CPNE4: variants seen among roughly 807,000 people sequenced by gnomAD.
The protein encoded by CPNE4 is copine-4.
Under a neutral mutation model 67.9 loss-of-function variants are expected in CPNE4, and 25 were observed. The ratio of observed to expected loss-of-function variants is 0.37; its 90% CI spans 0.27 to 0.51. The LOEUF is 0.51. Among genes scored for constraint, CPNE4 ranks in the 20% least tolerant of loss-of-function variants. CPNE4 has a pLI of 0.93. For synonymous variants in CPNE4, 242 were observed against 244.9 expected, an observed-to-expected ratio of 0.99 and a Z score of 0.11; for missense variants, 464 against 690.8, an observed-to-expected ratio of 0.67 and a Z score of 3.68.
intron 2 of CPNE4, among the ~76,000 whole-genome samples, chr3:131,843,888 C>G (rs943639418): frequency 6.6e-6 from 1 of 152,114 alleles, no homozygotes; most frequent in African/African-American, 2.4e-5. Flanking sequence ...GGATGTATTG[C>G]CATGAAACCT....
intron 1 of CPNE4, among the ~76,000 whole-genome samples, chr3:131,940,061 A>C (rs1412936016): frequency 6.6e-6 from 1 of 152,098 alleles, no homozygotes; most frequent in Non-Finnish European, 1.5e-5. Context: ...ATTTTTGTGT[A>C]TGTGCTCTAA....
chr3:131,894,534 G>A (rs920044206), intron 2 of CPNE4, among the ~76,000 whole-genome samples: 4 of 151,272 alleles, frequency 2.6e-5, no homozygotes, highest in African/African-American at 7.3e-5. Flanking sequence ...AAAAAATAAC[G>A]TGATTTAAAA....
At chr3:131,650,671 G>A (rs2079789521) in intron 7 of CPNE4, among the ~76,000 whole-genome samples, 1 of 145,946 alleles carries the variant, frequency 6.9e-6, no homozygotes, top group Admixed American at 6.9e-5. Flanking sequence ...CGTGAACCCG[G>A]GAGGCGGAGC....
At chr3:131,742,749 A>G (rs2082388759) in intron 2 of CPNE4, among the ~76,000 whole-genome samples, 1 of 152,158 alleles carries the variant, frequency 6.6e-6, no homozygotes, top group Non-Finnish European at 1.5e-5. Flanking sequence ...GAAATTTAAA[A>G]ACAAAATTCC....
intron 2 of CPNE4, among the ~76,000 whole-genome samples, chr3:131,777,277 G>A (rs2083313281): frequency 6.6e-6 from 1 of 152,128 alleles, no homozygotes; most frequent in African/African-American, 2.4e-5. Flanking sequence ...CTGCCCTAAA[G>A]CAGGGCTATA....
intron 2 of CPNE4, among the ~76,000 whole-genome samples, chr3:131,763,823 T>C (rs1437839456): frequency 6.6e-6 from 1 of 152,134 alleles, no homozygotes; most frequent in African/African-American, 2.4e-5. Flanking sequence ...TTTTAAGAAA[T>C]GTCTAAAGCA....
At chr3:132,029,610 C>T (rs1387584028) in intron 1 of CPNE4, among the ~76,000 whole-genome samples, 2 of 152,186 alleles carry the variant, frequency 1.3e-5, no homozygotes, top group Non-Finnish European at 2.9e-5. Flanking sequence ...CAATGAATTG[C>T]CCTACACTTG....
chr3:131,539,545 T>TATCA (rs1935359050), intron 15 of CPNE4, among the ~76,000 whole-genome samples: 4 of 152,134 alleles, frequency 2.6e-5, no homozygotes, highest in Admixed American at 2.6e-4. Flanking sequence ...TCCATGGTTC[T>TATCA]ATCATTTCAT....
At chr3:131,792,762 CTA>C (rs1208299176) in intron 2 of CPNE4, among the ~76,000 whole-genome samples, 1 of 107,566 alleles carries the variant, frequency 9.3e-6, no homozygotes, top group Non-Finnish European at 2.0e-5. Context: ...TATACACACA[CTA>C]TATATGTATA....
intron 6 of CPNE4, among the ~76,000 whole-genome samples, chr3:131,678,243 G>T (rs564149897): frequency 1.3e-5 from 2 of 151,812 alleles, no homozygotes; most frequent in African/African-American, 4.8e-5. Context: ...CTTGATTGTT[G>T]TTGGTGTATA....
chr3:131,763,565 C>A (rs968032483), intron 2 of CPNE4, among the ~76,000 whole-genome samples: 1 of 152,060 alleles, frequency 6.6e-6, no homozygotes, highest in Non-Finnish European at 1.5e-5. Flanking sequence ...TTATGATGGA[C>A]AGAACAAAGA....
chr3:132,001,528 G>C (rs755158593), intron 1 of CPNE4, among the ~76,000 whole-genome samples: 1 of 131,486 alleles, frequency 7.6e-6, no homozygotes, highest in Admixed American at 8.1e-5. Context: ...GAGAGAGAGA[G>C]AGAAAGAAAG....
intron 14 of CPNE4, among the ~76,000 whole-genome samples, chr3:131,546,482 T>C (rs554524513): frequency 6.6e-6 from 1 of 152,300 alleles, no homozygotes; most frequent in Non-Finnish European, 1.5e-5. Context: ...TTCAAGTTTA[T>C]GACCCTTAGA....
At chr3:131,927,529 G>A (rs560254142) in intron 1 of CPNE4, among the ~76,000 whole-genome samples, 2 of 152,182 alleles carry the variant, frequency 1.3e-5, no homozygotes, top group South Asian at 4.2e-4. Flanking sequence ...ACTCCAGACT[G>A]GGTGCTCTTG....
At chr3:132,007,635 T>C (rs1049827554) in intron 1 of CPNE4, among the ~76,000 whole-genome samples, 2 of 152,152 alleles carry the variant, frequency 1.3e-5, no homozygotes, top group African/African-American at 4.8e-5. Context: ...CTTTTTTTTT[T>C]TCATTCAACA....
intron 7 of CPNE4, among the ~76,000 whole-genome samples, chr3:131,652,613 C>T (rs1484677311): frequency 6.6e-6 from 1 of 152,098 alleles, no homozygotes; most frequent in African/African-American, 2.4e-5. Context: ...AAATAAATAG[C>T]TTTATGATTT....
chr3:131,890,928 G>T (rs904829501), intron 2 of CPNE4, among the ~76,000 whole-genome samples: 1 of 152,042 alleles, frequency 6.6e-6, no homozygotes, highest in Non-Finnish European at 1.5e-5. Flanking sequence ...AAGAATGATG[G>T]ATACCCAGGG....
Position 131,801,454 on chromosome 3 carries a change from A to ATG in CPNE4, c.181-77830_181-77829insCA, listed in dbSNP as rs1205072138. 1.5e-4 allele frequency among the ~76,000 whole-genome samples: 8 copies of ATG among 53,040 alleles called. No homozygotes were observed. In the East Asian group the frequency reaches 3.5e-3, roughly 23 times the overall value. The allele number at this position is 53,040 out of a possible 152,430, so 34.8% of individuals were successfully genotyped here. A position where few individuals can be genotyped will look rare whatever the true frequency, so the allele number is the denominator to read the frequency against. The stretch of plus-strand genomic sequence containing the variant: ...TGTGTGTGTGTGTGTGTGTGTGTGT[A>ATG]TATATATATATATATATATATATAA... On this transcript the variant is annotated intron_variant, in intron 2 of 15. Coordinates refer to ENST00000429747, the MANE Select transcript of CPNE4 (RefSeq NM_130808.3).
At chr3:131,877,630 A>G (rs953904528) in intron 2 of CPNE4, among the ~76,000 whole-genome samples, 4 of 152,206 alleles carry the variant, frequency 2.6e-5, no homozygotes, top group Non-Finnish European at 5.9e-5. Flanking sequence ...TAATAATTGT[A>G]ACAGTATAAA....
Sources: allele counts gnomAD v4.1 joint callset (sites outside exome capture counted in the v4.1 genomes callset), GRCh38; gene constraint gnomAD v4.1.1; transcripts MANE v1.5; gene names NCBI Gene and HGNC (gene_info 2026-07-23, HGNC 2026-07-21).